Variants in MDM2 observed in about 807,000 individuals in gnomAD.
MDM2 encodes the protein E3 ubiquitin-protein ligase Mdm2.
A neutral mutation model predicts 64.3 loss-of-function variants in MDM2; 11 were observed. That is an observed-to-expected ratio of 0.17 (90% CI 0.11 to 0.28). The LOEUF is 0.28. Ranked by LOEUF, MDM2 falls within the 10% of genes least tolerant of loss-of-function variation. The pLI is 1.00. For missense variants in MDM2, 388 were observed against 577.1 expected (o/e 0.67, Z 3.36); for synonymous variants, 194 against 192.9 (o/e 1.01, Z -0.05).
At chr12:68,809,559 A>G (rs1880677908) in intron 2 of MDM2, among the ~76,000 whole-genome samples, 1 of 151,558 alleles carries the variant, frequency 6.6e-6, no homozygotes, top group African/African-American at 2.4e-5. Flanking sequence ...TACGTGACTG[A>G]TTTTTTTTTC....
chr12:68,829,075 C>T (rs758635058), intron 8 of MDM2, 144 bp downstream of exon 8: 6 of 824,646 alleles, frequency 7.3e-6, no homozygotes, highest in Non-Finnish European at 1.1e-5. Flanking sequence ...TAAAATAAAA[C>T]TACTATATTG....
intron 10 of MDM2, among the ~76,000 whole-genome samples, chr12:68,837,662 A>G (rs1384671856): frequency 6.6e-6 from 1 of 152,180 alleles, no homozygotes; most frequent in Non-Finnish European, 1.5e-5. Flanking sequence ...AGCCAAATGT[A>G]AACATTTTTA....
chr12:68,824,128 C>G, intron 5 of MDM2: 3 of 446,376 alleles, frequency 6.7e-6, no homozygotes, highest in Non-Finnish European at 1.2e-5. Flanking sequence ...GCTAATTTAT[C>G]TAACAGTCTT....
intron 8 of MDM2, among the ~76,000 whole-genome samples, chr12:68,833,818 T>G (rs1460714519): frequency 2.0e-5 from 3 of 152,212 alleles, no homozygotes; most frequent in African/African-American, 4.8e-5. Flanking sequence ...TAATGTTTCT[T>G]GTGATTTACC....
intron 4 of MDM2, among the ~76,000 whole-genome samples, chr12:68,817,462 GA>G (rs1881477993): frequency 6.6e-6 from 1 of 152,094 alleles, no homozygotes; most frequent in Non-Finnish European, 1.5e-5. Flanking sequence ...AATATTTCTA[GA>G]AATAGGCCTG....
intron 3 of MDM2, 31 bp downstream of exon 3, chr12:68,813,659 C>T (rs999063408): frequency 6.7e-7 from 1 of 1,489,472 alleles, no homozygotes; most frequent in Non-Finnish European, 9.3e-7. Flanking sequence ...AGTAGTATCT[C>T]ACTAGTTACA....
At chr12:68,812,178 G>C (rs1335293991) in intron 2 of MDM2, among the ~76,000 whole-genome samples, 1 of 148,586 alleles carries the variant, frequency 6.7e-6, no homozygotes, top group Non-Finnish European at 1.5e-5. Context: ...TGAAAGTAAA[G>C]TGCATATGTA....
At chr12:68,838,238 C>T (rs903547899) in intron 10 of MDM2, among the ~76,000 whole-genome samples, 2 of 152,168 alleles carry the variant, frequency 1.3e-5, no homozygotes, top group African/African-American at 4.8e-5. Context: ...ATACCTCTTA[C>T]TTAAGAGTTT....
intron 4 of MDM2, chr12:68,817,157 G>T: frequency 2.0e-6 from 1 of 496,282 alleles, no homozygotes; most frequent in Non-Finnish European, 3.4e-6. Flanking sequence ...TCATTTACTA[G>T]TTTTGTGACT....
At chr12:68,813,499 C>A in intron 2 of MDM2, 55 bp from the exon 3 acceptor site, 2 of 1,200,984 alleles carry the variant, frequency 1.7e-6, no homozygotes, top group Non-Finnish European at 2.5e-6. Context: ...TGCTGCAGGG[C>A]CTATAGTTCT....
intron 3 of MDM2, chr12:68,815,774 A>G (rs1023899208): frequency 4.7e-5 from 10 of 214,766 alleles, no homozygotes; most frequent in African/African-American, 2.4e-4. Flanking sequence ...AGTGATAATA[A>G]TCTTATGAAA....
rs1230086832 is a variant in MDM2, at chr12:68,842,976, T to A, written c.*3127T>A. 3 of 211,310 alleles carry A rather than the reference T, an allele frequency of 1.4e-5. No individual in the cohort carries two copies. The highest frequency in any genetic ancestry group is 6.8e-5 in the African/African-American group (3 of 44,076). The allele number at this position is 211,310 out of a possible 1,614,324, so 13.1% of individuals were successfully genotyped here. ...ATAACTGACACTATATAATTTCTGCTTTGGCAAATACTAAGTTCTAACTTG... is the reference window on the plus strand; with the variant it reads ...ATAACTGACACTATATAATTTCTGCATTGGCAAATACTAAGTTCTAACTTG... On this transcript the variant is annotated 3_prime_UTR_variant, in exon 11 of 11. Coordinates refer to ENST00000258149, the MANE Select transcript of MDM2 (RefSeq NM_002392.6).
intron 10 of MDM2, among the ~76,000 whole-genome samples, chr12:68,837,392 C>T (rs1883398511): frequency 6.6e-6 from 1 of 150,682 alleles, no homozygotes; most frequent in African/African-American, 2.4e-5. Context: ...TAGGGTCCTG[C>T]CCTGTCTTCC....
At chr12:68,833,126 C>CAA (rs35815088) in intron 8 of MDM2, among the ~76,000 whole-genome samples, 37 of 61,722 alleles carry the variant, frequency 6.0e-4, no homozygotes, top group Admixed American at 1.2e-3. Context: ...ACTCTGTCTC[C>CAA]AAAAAAAAAA....
chr12:68,821,957 A>G (rs1463247250), intron 5 of MDM2, among the ~76,000 whole-genome samples: 2 of 151,964 alleles, frequency 1.3e-5, no homozygotes, highest in Non-Finnish European at 2.9e-5. Flanking sequence ...CAGGGCTCAA[A>G]TGATCCTCCC....
Position 68,843,436 on chromosome 12 carries a change from A to C in MDM2, c.*3587A>C, listed in dbSNP as rs2136188975. On this transcript the variant is annotated 3_prime_UTR_variant, in exon 11 of 11. Transcript: ENST00000258149. ...CCATTGTATGTGAAACAGTACATAC[A>C]CCATATTTACAATTATGTATTTAAC... is the stretch of plus-strand genomic sequence containing the variant. 1 of 229,784 alleles carries C rather than the reference A, an allele frequency of 4.4e-6. No individual in the cohort carries two copies. Among genetic ancestry groups the C allele is most frequent in the East Asian group, 6.2e-5 (1 of 16,002 alleles). 14.2% of individuals were successfully genotyped at this position (229,784 alleles called of 1,614,324 possible).
At position 68,844,320 on chromosome 12, in the gene MDM2, T is replaced by C. The variant is rs1050100874; in HGVS notation, c.*4471T>C. The C allele has an allele frequency of 9.0e-6, 2 of 222,806 alleles. No individual in the cohort carries two copies. Among genetic ancestry groups the C allele is most frequent in the East Asian group, 1.3e-4 (2 of 15,270 alleles). 13.8% of individuals were successfully genotyped at this position (222,806 alleles called of 1,614,324 possible). On this transcript the variant is annotated 3_prime_UTR_variant, in exon 11 of 11. Coordinates refer to ENST00000258149, the MANE Select transcript of MDM2 (RefSeq NM_002392.6). ...CTGGAATGGCCATGCCTGCCCACTTTAGAAATACAAATATCACTGGGCAGC... is the reference window on the plus strand; with the variant it reads ...CTGGAATGGCCATGCCTGCCCACTTCAGAAATACAAATATCACTGGGCAGC...
chr12:68,819,560 T>C (rs1365745111), intron 4 of MDM2, among the ~76,000 whole-genome samples: 3 of 152,176 alleles, frequency 2.0e-5, no homozygotes, highest in Non-Finnish European at 4.4e-5. Flanking sequence ...GGCGTGATCT[T>C]GGCTCACCGC....
At chr12:68,847,147 C>T (rs1394548046), downstream of MDM2, 6 of 120,612 alleles carry the variant, frequency 5.0e-5, no homozygotes, top group African/African-American at 7.7e-5. Context: ...ACATATATTA[C>T]ATATATATAT....
Sources: allele counts gnomAD v4.1 joint callset (sites outside exome capture counted in the v4.1 genomes callset), GRCh38; gene constraint gnomAD v4.1.1; transcripts MANE v1.5; gene names NCBI Gene and HGNC (gene_info 2026-07-23, HGNC 2026-07-21).